ROBO1: variants seen among roughly 807,000 people sequenced by gnomAD.
ROBO1 encodes the protein roundabout homolog 1.
Under a neutral mutation model 195.9 loss-of-function variants are expected in ROBO1, and 149 were observed. That is an observed-to-expected ratio of 0.76 (90% CI 0.67 to 0.87). The LOEUF (loss-of-function observed/expected upper bound fraction) is 0.87. Ranked by LOEUF, ROBO1 falls within the 40% of genes least tolerant of loss-of-function variation. The probability of loss-of-function intolerance (pLI) is 0.00; values close to 1 mark genes in which losing one functional copy is unlikely to be tolerated. For missense variants in ROBO1, 1,933 were observed against 2,068.3 expected (o/e 0.93, Z 1.27); for synonymous variants, 816 against 733.2 (o/e 1.11, Z -1.82).
intron 2 of ROBO1, among the ~76,000 whole-genome samples, chr3:79,546,662 G>A (rs1427804043): frequency 2.0e-5 from 3 of 152,138 alleles, no homozygotes; most frequent in Non-Finnish European, 4.4e-5. Context: ...TACAGACCAT[G>A]TACACTCAGC....
At position 78,919,175 on chromosome 3, in the gene ROBO1, A is replaced by C. The variant is rs544870547; in HGVS notation, c.499+19426T>G. On this transcript the variant is annotated intron_variant, in intron 4 of 30. Coordinates refer to ENST00000464233, the MANE Select transcript of ROBO1 (RefSeq NM_002941.4). ...ACCATAGGGAGATTATGGTTACGTG[A>C]GCTTCAAACAGGCTCAAGTGTATCC... 5.3e-5 allele frequency among the ~76,000 whole-genome samples: 8 copies of C among 152,306 alleles called. No homozygotes were observed. In the East Asian group the frequency reaches 1.2e-3, roughly 22 times the overall value.
In ROBO1 at chr3:78,670,144, A is replaced by G; in HGVS notation, c.1500T>C (p.Ser500=). The G allele has an allele frequency of 6.2e-7, 1 of 1,613,532 alleles. No individual in the cohort carries two copies. The highest frequency in any genetic ancestry group is 8.5e-7 in the Non-Finnish European group (1 of 1,179,682). The change falls in exon 11 of 31, where the codon TCT becomes TCC. Residue 500 remains serine (S), a synonymous_variant. Coordinates refer to ENST00000464233, the MANE Select transcript of ROBO1 (RefSeq NM_002941.4). ...CTCCATTCTCCAACTGTTTGATTCG[A>G]GAGTCTTGGGTTGAAACGAGGACTC... ...KDGVLVSTQD[S]RIKQLENGVL...
chr3:78,871,495 ATGT>A (rs1219724786), intron 4 of ROBO1, among the ~76,000 whole-genome samples: 2 of 152,092 alleles, frequency 1.3e-5, no homozygotes, highest in Non-Finnish European at 2.9e-5. Flanking sequence ...CTACAAGATG[ATGT>A]TGTGTGTGTG....
intron 4 of ROBO1, among the ~76,000 whole-genome samples, chr3:78,917,084 G>GT (rs1421564099): frequency 2.8e-5 from 4 of 140,738 alleles, no homozygotes; most frequent in South Asian, 2.2e-4. Context: ...AGTCAGAGTT[G>GT]TTTTTTTGTT....
chr3:79,562,406 G>A (rs1446268958), intron 2 of ROBO1, among the ~76,000 whole-genome samples: 7 of 152,036 alleles, frequency 4.6e-5, no homozygotes, highest in Non-Finnish European at 1.0e-4. Context: ...TGGGGTACAT[G>A]CGCGTAACTT....
At chr3:79,107,803 A>G (rs1361887395) in intron 3 of ROBO1, among the ~76,000 whole-genome samples, 1 of 151,706 alleles carries the variant, frequency 6.6e-6, no homozygotes, top group African/African-American at 2.4e-5. Flanking sequence ...GAGAAGTCTT[A>G]ACTGTTAGAG....
chr3:79,502,599 G>A (rs1305847704), intron 2 of ROBO1, among the ~76,000 whole-genome samples: 1 of 152,208 alleles, frequency 6.6e-6, no homozygotes, highest in East Asian at 1.9e-4. Flanking sequence ...AAGGGCTGAG[G>A]AGTGCAGGCG....
intron 2 of ROBO1, among the ~76,000 whole-genome samples, chr3:79,511,473 C>T (rs1940702061): frequency 1.3e-5 from 2 of 152,132 alleles, no homozygotes; most frequent in African/African-American, 4.8e-5. Context: ...ATTCAGTTCT[C>T]TCTGTAATTT....
chr3:79,250,653 G>C (rs987481590), intron 2 of ROBO1, among the ~76,000 whole-genome samples: 1 of 151,880 alleles, frequency 6.6e-6, no homozygotes, highest in Admixed American at 6.6e-5. Context: ...ATTGGCAAAA[G>C]AATATAAAAA....
chr3:79,759,604 C>A (rs1426139276), intron 1 of ROBO1, among the ~76,000 whole-genome samples: 1 of 152,154 alleles, frequency 6.6e-6, no homozygotes. Flanking sequence ...TGAACATGAG[C>A]AATTCACATA....
At chr3:78,930,506 CT>C (rs979951287) in intron 4 of ROBO1, among the ~76,000 whole-genome samples, 2 of 152,106 alleles carry the variant, frequency 1.3e-5, no homozygotes, top group Non-Finnish European at 2.9e-5. Context: ...AGAAAGTATA[CT>C]TTCTCGGGAT....
At chr3:79,103,230 T>C (rs915435872) in intron 3 of ROBO1, among the ~76,000 whole-genome samples, 1 of 151,740 alleles carries the variant, frequency 6.6e-6, no homozygotes, top group Admixed American at 6.6e-5. Context: ...CATATTTTAA[T>C]TGAAAAACAA....
intron 3 of ROBO1, among the ~76,000 whole-genome samples, chr3:79,013,244 T>C (rs547657414): frequency 1.7e-4 from 26 of 152,238 alleles, no homozygotes; most frequent in African/African-American, 6.0e-4. Flanking sequence ...GCAAAATCTT[T>C]CCTCCAGTGT....
At chr3:78,791,224 T>G (rs963466947) in intron 4 of ROBO1, among the ~76,000 whole-genome samples, 1 of 152,258 alleles carries the variant, frequency 6.6e-6, no homozygotes, top group East Asian at 1.9e-4. Context: ...GTTGTTGTCA[T>G]AGGTACACTA....
intron 5 of ROBO1, among the ~76,000 whole-genome samples, chr3:78,724,577 G>A (rs2082120477): frequency 6.6e-6 from 1 of 151,282 alleles, no homozygotes; most frequent in Admixed American, 6.6e-5. Context: ...ACCTACTCTG[G>A]AGGCTGAGGC....
intron 2 of ROBO1, among the ~76,000 whole-genome samples, chr3:79,144,748 G>C (rs913327794): frequency 6.6e-6 from 1 of 152,004 alleles, no homozygotes; most frequent in South Asian, 2.1e-4. Flanking sequence ...TCACCTTTAT[G>C]ATTCCCTTTT....
At chr3:78,784,045 C>T (rs769924402) in intron 4 of ROBO1, among the ~76,000 whole-genome samples, 23 of 151,850 alleles carry the variant, frequency 1.5e-4, no homozygotes, top group Non-Finnish European at 2.9e-4. Context: ...TAAGTAACTA[C>T]GCAGAAAAAA....
intron 4 of ROBO1, among the ~76,000 whole-genome samples, chr3:78,816,505 T>C (rs997948737): frequency 6.6e-6 from 1 of 152,152 alleles, no homozygotes; most frequent in Non-Finnish European, 1.5e-5. Context: ...TAATATTTTG[T>C]AAGGCTATAT....
chr3:78,802,661 A>G (rs1309869421), intron 4 of ROBO1, among the ~76,000 whole-genome samples: 1 of 152,086 alleles, frequency 6.6e-6, no homozygotes, highest in Non-Finnish European at 1.5e-5. Flanking sequence ...TCAATCCCAC[A>G]TAAGACTTTT....
Sources: gnomAD v4.1 joint callset for allele counts (sites outside exome capture counted in the v4.1 genomes callset) on GRCh38, gnomAD v4.1.1 for gene constraint, MANE v1.5 for transcripts, NCBI Gene and HGNC (gene_info 2026-07-23, HGNC 2026-07-21) for gene names.